The following KIF6 variants were observed in gnomAD, a reference collection of about 807,000 sequenced individuals.
KIF6 encodes the protein kinesin-like protein KIF6.
In KIF6, 106 loss-of-function variants were observed where a neutral mutation model predicts 112.7. The observed-to-expected ratio is 0.94, with a 90% CI of 0.80 to 1.11. The LOEUF (loss-of-function observed/expected upper bound fraction) is 1.11, where lower values mean the gene tolerates loss of function less well. Ranked by LOEUF, KIF6 falls within the 50% of genes least tolerant of loss-of-function variation. The probability of loss-of-function intolerance (pLI) is 0.00; values close to 1 mark genes in which losing one functional copy is unlikely to be tolerated. For missense variants in KIF6, 929 were observed against 964.0 expected, an observed-to-expected ratio of 0.96 and a Z score of 0.48; for synonymous variants, 339 against 339.9, an observed-to-expected ratio of 1.00 and a Z score of 0.03.
intron 10 of KIF6, among the ~76,000 whole-genome samples, chr6:39,577,036 G>A (rs748793461): frequency 3.3e-5 from 5 of 152,170 alleles, no homozygotes; most frequent in South Asian, 2.1e-4. Context: ...TTGAAGAAAT[G>A]ACATAAAACT....
intron 14 of KIF6, among the ~76,000 whole-genome samples, chr6:39,421,085 G>A (rs1770325555): frequency 6.6e-6 from 1 of 152,198 alleles, no homozygotes. Context: ...AAGTTAAAGA[G>A]ACAATTGAAA....
chr6:39,510,089 CTT>C (rs1776677656), intron 13 of KIF6, among the ~76,000 whole-genome samples: 1 of 138,308 alleles, frequency 7.2e-6, no homozygotes, highest in African/African-American at 2.9e-5. Flanking sequence ...ACATTCTTTT[CTT>C]TTCTTTTTTT....
At chr6:39,722,685 T>C (rs1049601347) in intron 1 of KIF6, among the ~76,000 whole-genome samples, 2 of 152,242 alleles carry the variant, frequency 1.3e-5, no homozygotes, top group East Asian at 3.8e-4. Context: ...AAAGCATTTC[T>C]AGTCAGAGAA....
intron 13 of KIF6, among the ~76,000 whole-genome samples, chr6:39,448,385 G>A (rs1772466186): frequency 6.6e-6 from 1 of 152,084 alleles, no homozygotes. Context: ...ATGTTGGCCA[G>A]GCTGGTCTCG....
intron 10 of KIF6, among the ~76,000 whole-genome samples, chr6:39,555,404 C>T (rs1433897426): frequency 6.6e-6 from 1 of 152,148 alleles, no homozygotes; most frequent in Admixed American, 6.5e-5. Context: ...CTGCCCCCCA[C>T]CCTCTGGCCT....
chr6:39,677,679 C>G (rs1369684557), intron 3 of KIF6, among the ~76,000 whole-genome samples: 3 of 109,640 alleles, frequency 2.7e-5, no homozygotes, highest in African/African-American at 1.1e-4. Context: ...CTATCCCTCC[C>G]CCCTCCCCCG....
At chr6:39,496,434 C>T (rs1238443378) in intron 13 of KIF6, among the ~76,000 whole-genome samples, 1 of 152,154 alleles carries the variant, frequency 6.6e-6, no homozygotes, top group Non-Finnish European at 1.5e-5. Context: ...AATATTAACA[C>T]ATTGAAGACT....
At chr6:39,526,030 T>A (rs1777706712) in intron 13 of KIF6, among the ~76,000 whole-genome samples, 1 of 152,174 alleles carries the variant, frequency 6.6e-6, no homozygotes, top group Non-Finnish European at 1.5e-5. Context: ...TACAAGCAAC[T>A]CTTTTTCCAT....
intron 6 of KIF6, among the ~76,000 whole-genome samples, chr6:39,608,564 T>A (rs1046355066): frequency 6.6e-6 from 1 of 152,192 alleles, no homozygotes; most frequent in Non-Finnish European, 1.5e-5. Flanking sequence ...TTGGGGAGTG[T>A]CTGTATGTCT....
Position 39,357,376 on chromosome 6 carries a change from T to C in KIF6, c.2083-2A>G. On this transcript the variant is annotated splice_acceptor_variant, in intron 18 of 22. Transcript: ENST00000287152. LOFTEE classifies it high-confidence loss of function. The stretch of plus-strand genomic sequence containing the variant: ...TGAATTCACTGCTGGAGAATTTACC[T>C]GTTGGCCCCAGAAGGAGTTTCACAG... 2 of 1,605,102 alleles carry C rather than the reference T, an allele frequency of 1.2e-6. No individual in the cohort carries two copies. Among genetic ancestry groups the C allele is most frequent in the Non-Finnish European group, 8.5e-7 (1 of 1,172,116 alleles).
chr6:39,678,027 T>TAC (rs1787274212), intron 3 of KIF6, among the ~76,000 whole-genome samples: 32 of 152,104 alleles, frequency 2.1e-4, no homozygotes, highest in African/African-American at 6.8e-4. Context: ...GCATGATTTA[T>TAC]GCAGCCAAAA....
chr6:39,615,609 T>C (rs1046161018), intron 5 of KIF6, among the ~76,000 whole-genome samples: 6 of 151,806 alleles, frequency 4.0e-5, no homozygotes, highest in African/African-American at 7.3e-5. Flanking sequence ...AAGTCCCAGG[T>C]GATTCTAGTG....
chr6:39,351,014 C>A (rs571969459), intron 19 of KIF6, among the ~76,000 whole-genome samples: 5 of 152,086 alleles, frequency 3.3e-5, no homozygotes, highest in Non-Finnish European at 5.9e-5. Context: ...GGCTGAACAG[C>A]GCTCTAGGGC....
intron 9 of KIF6, among the ~76,000 whole-genome samples, chr6:39,582,421 C>T (rs12198307): frequency 0.11 from 16,720 of 151,692 alleles, 1,691 homozygotes; most frequent in East Asian, 0.29. Flanking sequence ...TTTGGTTTGG[C>T]TTTTTTTGAG....
chr6:39,598,113 G>A (rs990309412), intron 6 of KIF6, among the ~76,000 whole-genome samples: 1 of 152,164 alleles, frequency 6.6e-6, no homozygotes. Flanking sequence ...CTTGAACCCC[G>A]GAGGCAGAGG....
chr6:39,429,281 A>G (rs558007698), intron 14 of KIF6, among the ~76,000 whole-genome samples: 2 of 152,112 alleles, frequency 1.3e-5, no homozygotes, highest in East Asian at 3.9e-4. Flanking sequence ...TTAAACCTTC[A>G]TCACCACCCT....
intron 14 of KIF6, among the ~76,000 whole-genome samples, chr6:39,426,741 A>T (rs934871504): frequency 1.3e-5 from 2 of 151,794 alleles, no homozygotes; most frequent in South Asian, 4.2e-4. Context: ...ACAGAGTGAG[A>T]CTCTGTCTCT....
At chr6:39,578,033 G>GAA in intron 10 of KIF6, 23 bp downstream of exon 10, 7 of 1,519,678 alleles carry the variant, frequency 4.6e-6, no homozygotes, top group South Asian at 2.3e-5. Flanking sequence ...TAAAGAAAAA[G>GAA]AAAAAAAAGT....
chr6:39,642,608 G>A (rs945962898), intron 3 of KIF6, among the ~76,000 whole-genome samples: 2 of 152,026 alleles, frequency 1.3e-5, no homozygotes, highest in African/African-American at 2.4e-5. Flanking sequence ...CCCTGTCCTC[G>A]GGGTGTTTGT....
Sources: gnomAD v4.1 joint callset for allele counts (sites outside exome capture counted in the v4.1 genomes callset) on GRCh38, gnomAD v4.1.1 for gene constraint, MANE v1.5 for transcripts, NCBI Gene and HGNC (gene_info 2026-07-23, HGNC 2026-07-21) for gene names.